Variants in ACTN1 observed in about 807,000 individuals in gnomAD.
ACTN1 encodes the protein actinin alpha 1.
A neutral mutation model predicts 119.6 loss-of-function variants in ACTN1; 30 were observed. That is an observed-to-expected ratio of 0.25 (90% CI 0.19 to 0.34). The LOEUF (loss-of-function observed/expected upper bound fraction) is 0.34. Among genes scored for constraint, ACTN1 ranks in the 10% least tolerant of loss-of-function variants. ACTN1 has a pLI of 1.00. For missense variants in ACTN1, 764 were observed against 1,223.4 expected (o/e 0.62, Z 5.60); for synonymous variants, 429 against 472.6 (o/e 0.91, Z 1.20).
At chr14:68,936,518 T>C (rs1384586835) in intron 1 of ACTN1, 1 of 276,930 alleles carries the variant, frequency 3.6e-6, no homozygotes, top group East Asian at 8.6e-5. Context: ...TTTTTTTAAG[T>C]ATGCAAATAA....
At chr14:68,942,417 C>T (rs914951836) in intron 1 of ACTN1, among the ~76,000 whole-genome samples, 12 of 151,988 alleles carry the variant, frequency 7.9e-5, no homozygotes, top group African/African-American at 2.7e-4. Flanking sequence ...GAGGCATTAA[C>T]GGGCTGTATC....
At chr14:68,921,242 T>C (rs1447684836) in intron 2 of ACTN1, 117 bp from the exon 3 acceptor site, 2 of 1,291,710 alleles carry the variant, frequency 1.5e-6, no homozygotes, top group East Asian at 5.0e-5. Flanking sequence ...CATGTGCATG[T>C]GTGCACGTGT....
chr14:68,918,354 G>C (rs1429714286), intron 3 of ACTN1, among the ~76,000 whole-genome samples: 2 of 152,168 alleles, frequency 1.3e-5, no homozygotes, highest in Non-Finnish European at 2.9e-5. Context: ...AGCTGAGGCG[G>C]GTGGATCACG....
rs2031131873 is a variant in ACTN1, at chr14:68,878,406, G to A, written c.2427+52C>T. The A allele has an allele frequency of 1.1e-5, 16 of 1,519,800 alleles. No individual in the cohort carries two copies. The highest frequency in any genetic ancestry group is 4.0e-5 in the South Asian group (3 of 75,924). The allele number at this position is 1,519,800 out of a possible 1,614,324, so 94.1% of individuals were successfully genotyped here. ...CCACTCCTGGGACTTGGCTGCTCCC[G>A]CCAGCTGGCTGCCTTCTCACCAGGG... On this transcript the variant is annotated intron_variant, in intron 20 of 21. Coordinates refer to ENST00000394419, the MANE Select transcript of ACTN1 (RefSeq NM_001130004.2). The surrounding 1 kb of genome is among the most constrained non-coding windows in gnomAD (Gnocchi z 4.4).
At chr14:68,916,299 G>A (rs547833865) in intron 3 of ACTN1, among the ~76,000 whole-genome samples, 115 of 152,284 alleles carry the variant, frequency 7.6e-4, no homozygotes, top group Non-Finnish European at 1.3e-3. Flanking sequence ...CGCTGGCCCT[G>A]AGCTCACTGC....
intron 7 of ACTN1, among the ~76,000 whole-genome samples, chr14:68,903,803 C>T (rs2033496886): frequency 6.6e-6 from 1 of 152,138 alleles, no homozygotes; most frequent in South Asian, 2.1e-4. Context: ...CCAGATGCTT[C>T]CCTTCCCCCC....
chr14:68,927,274 T>C lies in ACTN1; in HGVS notation c.106-1602A>G, dbSNP rs1354366801. Among the ~76,000 whole-genome samples, 3 of 152,320 alleles carry C rather than the reference T, an allele frequency of 2.0e-5. No individual in the cohort carries two copies. In the East Asian group the frequency reaches 5.8e-4, roughly 29 times the overall value. On this transcript the variant is annotated intron_variant, in intron 1 of 21. Coordinates refer to ENST00000394419, the MANE Select transcript of ACTN1 (RefSeq NM_001130004.2). ...GGAAGCCTTCCTGATAGCCACCTGC[T>C]CTGTCTGGGCTGGACACACACCCAT...
chr14:68,951,629 C>T (rs1325513563), intron 1 of ACTN1, among the ~76,000 whole-genome samples: 2 of 152,170 alleles, frequency 1.3e-5, no homozygotes, highest in East Asian at 3.9e-4. Flanking sequence ...TCCAAGGCCC[C>T]TTTCAGCTCT....
intron 4 of ACTN1, among the ~76,000 whole-genome samples, chr14:68,910,586 G>A (rs2033947867): frequency 2.0e-5 from 3 of 152,126 alleles, no homozygotes; most frequent in Admixed American, 2.0e-4. Context: ...ACGTGTCTAT[G>A]AGGTTAGGCA....
intron 1 of ACTN1, among the ~76,000 whole-genome samples, chr14:68,944,968 G>A (rs933286285): frequency 2.2e-4 from 34 of 151,954 alleles, no homozygotes; most frequent in Non-Finnish European, 3.5e-4. Flanking sequence ...CTACGCGTGT[G>A]TGGGGCTGGG....
intron 1 of ACTN1, among the ~76,000 whole-genome samples, chr14:68,944,030 C>G (rs1203044302): frequency 6.6e-6 from 1 of 152,206 alleles, no homozygotes; most frequent in Non-Finnish European, 1.5e-5. Flanking sequence ...TGTGCCCAGG[C>G]AGTCCCTGAG....
At chr14:68,978,236 G>A (rs992244590) in intron 1 of ACTN1, 1 of 455,998 alleles carries the variant, frequency 2.2e-6, no homozygotes, top group African/African-American at 2.0e-5. Flanking sequence ...GGGTCGGAGG[G>A]GCAGGACGTA....
intron 1 of ACTN1, chr14:68,936,669 T>A (rs1329668360): frequency 1.1e-5 from 7 of 625,052 alleles, no homozygotes; most frequent in Non-Finnish European, 2.2e-5. Context: ...GTGGGGAGCC[T>A]GGCCGGGTGA....
intron 8 of ACTN1, among the ~76,000 whole-genome samples, chr14:68,901,233 GT>G (rs2033301937): frequency 7.7e-6 from 1 of 129,230 alleles, no homozygotes; most frequent in Non-Finnish European, 1.7e-5. Context: ...TTTTTGTTTT[GT>G]TTTGTTTTTG....
At chr14:68,952,100 C>T (rs2036190381) in intron 1 of ACTN1, among the ~76,000 whole-genome samples, 1 of 152,228 alleles carries the variant, frequency 6.6e-6, no homozygotes, top group Non-Finnish European at 1.5e-5. Context: ...TGAGGGAGGT[C>T]TGGTTCAGTC....
At chr14:68,905,453 T>A (rs1344102500) in intron 6 of ACTN1, among the ~76,000 whole-genome samples, 1 of 152,198 alleles carries the variant, frequency 6.6e-6, no homozygotes, top group Non-Finnish European at 1.5e-5. Context: ...TGCGGGGAGA[T>A]ACTCAAAAGA....
At chr14:68,958,485 A>G (rs2036425466) in intron 1 of ACTN1, among the ~76,000 whole-genome samples, 1 of 152,084 alleles carries the variant, frequency 6.6e-6, no homozygotes, top group Non-Finnish European at 1.5e-5. Context: ...GTAGTTTCCA[A>G]ATTTTCCACA....
intron 14 of ACTN1, 32 bp from the exon 15 acceptor site, chr14:68,883,087 G>A: frequency 6.2e-7 from 1 of 1,607,298 alleles, no homozygotes; most frequent in Non-Finnish European, 8.5e-7. Flanking sequence ...TGGGCAAGAG[G>A]AACAAAGGGA....
chr14:68,976,940 G>A (rs2037081615), intron 1 of ACTN1, among the ~76,000 whole-genome samples: 1 of 152,134 alleles, frequency 6.6e-6, no homozygotes, highest in African/African-American at 2.4e-5. Context: ...TCAGAGCCCT[G>A]GGAATCTATA....
Sources: gnomAD v4.1 joint callset for allele counts (sites outside exome capture counted in the v4.1 genomes callset) on GRCh38, gnomAD v4.1.1 for gene constraint, Gnocchi (gnomAD v3.1) non-coding constraint, MANE v1.5 for transcripts, NCBI Gene and HGNC (gene_info 2026-07-23, HGNC 2026-07-21) for gene names.